The following DLGAP2 variants were observed in gnomAD, a reference collection of about 807,000 sequenced individuals.
The protein encoded by DLGAP2 is disks large-associated protein 2.
In DLGAP2, 26 loss-of-function variants were observed where a neutral mutation model predicts 100.3. That is an observed-to-expected ratio of 0.26 (90% confidence interval 0.19 to 0.36). DLGAP2 has a LOEUF of 0.36. Ranked by LOEUF, DLGAP2 falls within the 10% of genes least tolerant of loss-of-function variation. The probability of loss-of-function intolerance (pLI) is 1.00; values close to 1 mark genes in which losing one functional copy is unlikely to be tolerated. For synonymous variants in DLGAP2, 886 were observed against 630.1 expected, an observed-to-expected ratio of 1.41 and a Z score of -6.08; for missense variants, 1,858 against 1,453.2, an observed-to-expected ratio of 1.28 and a Z score of -4.53.
Position 1,216,567 on chromosome 8 carries a change from C to G in DLGAP2, c.74-42284C>G, listed in dbSNP as rs565930765. Among the ~76,000 whole-genome samples the G allele has an allele frequency of 3.9e-5, 6 of 152,122 alleles. No individual in the cohort carries two copies. In the East Asian group the frequency reaches 1.2e-3, roughly 29 times the overall value. ...CCAGGCTGGACTTGAACCTCCTGAG[C>G]TCAAGCAATCCTCCCACCTCAGCCC... On this transcript the variant is annotated intron_variant, in intron 2 of 14. Coordinates refer to ENST00000637795, the MANE Select transcript of DLGAP2 (RefSeq NM_001346810.2).
At chr8:1,490,881 G>T (rs1165999060) in intron 3 of DLGAP2, among the ~76,000 whole-genome samples, 1 of 151,340 alleles carries the variant, frequency 6.6e-6, no homozygotes, top group African/African-American at 2.4e-5. Context: ...TTGTGGGGTG[G>T]GGGGACGGGG....
intron 2 of DLGAP2, among the ~76,000 whole-genome samples, chr8:1,237,139 C>G (rs1278728665): frequency 7.4e-5 from 10 of 135,806 alleles, no homozygotes; most frequent in South Asian, 2.4e-4. Flanking sequence ...GGGGCCGTGT[C>G]TAGTTCTCTC....
chr8:1,510,916 C>G (rs1338628108), intron 4 of DLGAP2, among the ~76,000 whole-genome samples: 1 of 152,236 alleles, frequency 6.6e-6, no homozygotes, highest in Non-Finnish European at 1.5e-5. Flanking sequence ...CTAGAAGGAA[C>G]TTGCACATAA....
chr8:1,466,543 GTA>G (rs5888834), intron 3 of DLGAP2, among the ~76,000 whole-genome samples: 12,237 of 138,146 alleles, frequency 0.089, 905 homozygotes, highest in East Asian at 0.41. Context: ...GTGTGTGTGT[GTA>G]TGTGTGTGTG....
intron 2 of DLGAP2, among the ~76,000 whole-genome samples, chr8:1,099,131 C>T (rs2129043320): frequency 6.6e-6 from 1 of 152,268 alleles, no homozygotes; most frequent in East Asian, 1.9e-4. Flanking sequence ...CTCAGCCTCG[C>T]CGGTGTTCCT....
intron 1 of DLGAP2, among the ~76,000 whole-genome samples, chr8:850,731 C>A (rs925593966): frequency 6.6e-6 from 1 of 152,066 alleles, no homozygotes; most frequent in Admixed American, 6.6e-5. Context: ...TTAAATGTTG[C>A]GAAACTATCT....
At chr8:982,415 T>C (rs1800363403) in intron 2 of DLGAP2, among the ~76,000 whole-genome samples, 1 of 152,224 alleles carries the variant, frequency 6.6e-6, no homozygotes, top group Non-Finnish European at 1.5e-5. Flanking sequence ...CTCTGCTAAG[T>C]GGAGCTGTTT....
rs147734035 is a variant in DLGAP2 at position 1,535,907 on chromosome 8, G to T, written c.173-12719G>T. 1.1e-4 allele frequency among the ~76,000 whole-genome samples: 16 copies of T among 152,330 alleles called. No individual in the cohort carries two copies. The East Asian group carries it at 2.3e-3, about 22-fold the overall frequency. ...GTGCTGTGGATGGATGGTGTTGGTG[G>T]TCAGCCAGCACAAGCACCACAAGCA... On this transcript the variant is annotated intron_variant, in intron 4 of 14. Transcript: ENST00000637795.
chr8:1,562,536 G>T (rs1474648908), intron 5 of DLGAP2, among the ~76,000 whole-genome samples: 1 of 51,622 alleles, frequency 1.9e-5, no homozygotes, highest in Non-Finnish European at 3.9e-5. Flanking sequence ...TCGTTACTGG[G>T]GGACTGTGTG....
At chr8:1,338,551 A>T (rs1199004780) in intron 3 of DLGAP2, among the ~76,000 whole-genome samples, 1 of 152,260 alleles carries the variant, frequency 6.6e-6, no homozygotes, top group Non-Finnish European at 1.5e-5. Context: ...TTGAAATTAC[A>T]TAGCGGTGAT....
At chr8:1,293,839 GTTATTC>G (rs1800113043) in intron 3 of DLGAP2, among the ~76,000 whole-genome samples, 3 of 151,862 alleles carry the variant, frequency 2.0e-5, no homozygotes, top group African/African-American at 7.2e-5. Context: ...CTTTCTATCT[GTTATTC>G]TTATTGAGCA....
intron 2 of DLGAP2, among the ~76,000 whole-genome samples, chr8:1,217,267 A>G (rs1406393184): frequency 6.6e-6 from 1 of 152,110 alleles, no homozygotes; most frequent in Non-Finnish European, 1.5e-5. Flanking sequence ...AGCTGCCTCC[A>G]TGTTCCTGCA....
chr8:920,507 G>A (rs571491023), intron 2 of DLGAP2, among the ~76,000 whole-genome samples: 17 of 152,336 alleles, frequency 1.1e-4, no homozygotes, highest in Middle Eastern at 3.4e-3. Context: ...TGTAATCCCA[G>A]CACTTTGGCA....
At chr8:958,116 C>A (rs1370008862) in intron 2 of DLGAP2, among the ~76,000 whole-genome samples, 1 of 152,162 alleles carries the variant, frequency 6.6e-6, no homozygotes, top group African/African-American at 2.4e-5. Context: ...AGATGTTTCT[C>A]AAAAGCGGAG....
chr8:1,208,029 T>A (rs950655341), intron 2 of DLGAP2, among the ~76,000 whole-genome samples: 34 of 152,238 alleles, frequency 2.2e-4, no homozygotes, highest in African/African-American at 8.0e-4. Context: ...CTGTTTACTC[T>A]GCTGATTATT....
At chr8:1,195,298 C>T (rs1406767574) in intron 2 of DLGAP2, among the ~76,000 whole-genome samples, 1 of 152,190 alleles carries the variant, frequency 6.6e-6, no homozygotes, top group African/African-American at 2.4e-5. Context: ...CTTCCCTGCA[C>T]CCTCAGGAGC....
At chr8:921,544 A>C (rs990043422) in intron 2 of DLGAP2, among the ~76,000 whole-genome samples, 1 of 152,092 alleles carries the variant, frequency 6.6e-6, no homozygotes. Context: ...ACGGGAGGAG[A>C]CCTCCCTTTC....
chr8:1,179,868 C>G (rs1797342920), intron 2 of DLGAP2, among the ~76,000 whole-genome samples: 1 of 152,156 alleles, frequency 6.6e-6, no homozygotes. Flanking sequence ...CAGTATATAA[C>G]AGTAGCTAAA....
intron 3 of DLGAP2, among the ~76,000 whole-genome samples, chr8:1,463,877 T>C (rs1798531343): frequency 6.6e-6 from 1 of 152,206 alleles, no homozygotes; most frequent in South Asian, 2.1e-4. Context: ...TCTTTCCATC[T>C]TGTGACCTGG....
Sources: gnomAD v4.1 joint callset for allele counts (sites outside exome capture counted in the v4.1 genomes callset) on GRCh38, gnomAD v4.1.1 for gene constraint, MANE v1.5 for transcripts, NCBI Gene and HGNC (gene_info 2026-07-23, HGNC 2026-07-21) for gene names.